MMP26: variants seen among roughly 807,000 people sequenced by gnomAD.
MMP26 encodes the protein matrix metallopeptidase 26, also known as matrix metalloproteinase-26.
Under a neutral mutation model 31.0 loss-of-function variants are expected in MMP26, and 33 were observed. The observed-to-expected ratio is 1.06, with a 90% confidence interval of 0.81 to 1.42. The LOEUF is 1.42. MMP26 is among the 40% of genes most tolerant of loss of function. The probability of loss-of-function intolerance (pLI) is 0.00; values close to 1 mark genes in which losing one functional copy is unlikely to be tolerated. For synonymous variants in MMP26, 122 were observed against 114.9 expected (o/e 1.06, Z -0.40); for missense variants, 347 against 316.1 (o/e 1.10, Z -0.74).
chr11:4,858,974 A>G (rs1014726473), intron 2 of MMP26, among the ~76,000 whole-genome samples: 3 of 152,152 alleles, frequency 2.0e-5, no homozygotes, highest in African/African-American at 7.2e-5. Context: ...AATGGGGAAA[A>G]GATTCCCTAT....
intron 2 of MMP26, among the ~76,000 whole-genome samples, chr11:4,855,081 C>A (rs1337482753): frequency 6.6e-6 from 1 of 152,122 alleles, no homozygotes; most frequent in Non-Finnish European, 1.5e-5. Context: ...TCATGAAAGA[C>A]CAAAGGTAGA....
intron 2 of MMP26, among the ~76,000 whole-genome samples, chr11:4,987,482 G>C (rs1042102109): frequency 2.6e-5 from 4 of 151,470 alleles, no homozygotes; most frequent in Non-Finnish European, 4.4e-5. Flanking sequence ...GCAGTGGCGC[G>C]ATCTCGGCTC....
intron 2 of MMP26, among the ~76,000 whole-genome samples, chr11:4,911,060 G>A (rs953202576): frequency 6.6e-6 from 1 of 152,104 alleles, no homozygotes; most frequent in Admixed American, 6.6e-5. Flanking sequence ...AATAGATATT[G>A]GTTGGATAAA....
At chr11:4,721,755 T>C (rs1392356448) in intron 1 of MMP26, among the ~76,000 whole-genome samples, 1 of 152,220 alleles carries the variant, frequency 6.6e-6, no homozygotes, top group Non-Finnish European at 1.5e-5. Context: ...TTGACCAAAA[T>C]GGACTGCATC....
At chr11:4,876,498 G>C (rs1850380773) in intron 2 of MMP26, 1 of 152,128 alleles carries the variant, frequency 6.6e-6, no homozygotes, top group South Asian at 2.1e-4. Flanking sequence ...GATTCCAGTT[G>C]AAGTCAGTTT....
intron 2 of MMP26, among the ~76,000 whole-genome samples, chr11:4,986,435 C>T (rs1046250830): frequency 6.6e-6 from 1 of 150,720 alleles, no homozygotes; most frequent in African/African-American, 2.4e-5. Context: ...ACAGCCAAGA[C>T]CTCCCAGGCT....
At chr11:4,848,092 G>T in intron 2 of MMP26, 1 of 814,580 alleles carries the variant, frequency 1.2e-6, no homozygotes, top group Non-Finnish European at 1.9e-6. Flanking sequence ...AATATACACA[G>T]GCATACTTCC....
At chr11:4,757,126 A>T (rs1564902346) in intron 1 of MMP26, among the ~76,000 whole-genome samples, 1 of 152,174 alleles carries the variant, frequency 6.6e-6, no homozygotes, top group Admixed American at 6.5e-5. Context: ...GCATGAGGAC[A>T]GTCATACAGA....
chr11:4,758,869 T>C (rs915395208), intron 1 of MMP26, among the ~76,000 whole-genome samples: 1 of 151,986 alleles, frequency 6.6e-6, no homozygotes, highest in African/African-American at 2.4e-5. Context: ...CCCAGCACTT[T>C]GGGAAGACGA....
At chr11:4,785,699 C>A (rs1172140091) in intron 2 of MMP26, among the ~76,000 whole-genome samples, 2 of 152,176 alleles carry the variant, frequency 1.3e-5, no homozygotes, top group Non-Finnish European at 1.5e-5. Flanking sequence ...AAATAGAATG[C>A]AGCTTTTAAC....
At chr11:4,825,161 T>C (rs116326383) in intron 2 of MMP26, among the ~76,000 whole-genome samples, 2,684 of 152,230 alleles carry the variant, frequency 0.018, 73 homozygotes, top group African/African-American at 0.061. Flanking sequence ...CAGACAGTAA[T>C]AAATGAATTA....
At chr11:4,790,168 C>T (rs1472357374) in intron 2 of MMP26, among the ~76,000 whole-genome samples, 2 of 151,898 alleles carry the variant, frequency 1.3e-5, no homozygotes, top group Non-Finnish European at 2.9e-5. Flanking sequence ...AGTGAAACCC[C>T]GTCTCTACTA....
intron 2 of MMP26, chr11:4,923,483 G>T (rs1413882378): frequency 6.2e-7 from 1 of 1,613,900 alleles, no homozygotes; most frequent in Non-Finnish European, 8.5e-7. Flanking sequence ...CATAAGGGGT[G>T]GTACCAGCAG....
intron 1 of MMP26, chr11:4,723,988 C>A: frequency 1.4e-6 from 1 of 723,034 alleles, no homozygotes. Context: ...AGTGGTGATG[C>A]CTCCCATGCC....
intron 2 of MMP26, chr11:4,832,391 T>A (rs993303337): frequency 6.5e-6 from 1 of 153,088 alleles, no homozygotes; most frequent in African/African-American, 2.4e-5. Context: ...GCTGAGAATC[T>A]TCTTGTTCAA....
At chr11:4,869,860 C>CAT (rs1564797441) in intron 2 of MMP26, among the ~76,000 whole-genome samples, 1 of 152,028 alleles carries the variant, frequency 6.6e-6, no homozygotes, top group Admixed American at 6.6e-5. Context: ...AAATGTGGCA[C>CAT]ATATATATAC....
intron 2 of MMP26, among the ~76,000 whole-genome samples, chr11:4,926,527 G>GTAT (rs1851276272): frequency 6.6e-6 from 1 of 152,196 alleles, no homozygotes; most frequent in African/African-American, 2.4e-5. Context: ...AGCAGGCATA[G>GTAT]TGAAGCTGGT....
intron 2 of MMP26, among the ~76,000 whole-genome samples, chr11:4,787,924 C>T (rs1300505159): frequency 6.6e-6 from 1 of 152,132 alleles, no homozygotes; most frequent in Non-Finnish European, 1.5e-5. Flanking sequence ...ACCATAATTT[C>T]AATTTATGAA....
At chr11:4,868,925 C>T (rs1291323523) in intron 2 of MMP26, among the ~76,000 whole-genome samples, 2 of 152,138 alleles carry the variant, frequency 1.3e-5, no homozygotes, top group Admixed American at 1.3e-4. Flanking sequence ...ACATCTACAA[C>T]CATCTGATCT....
Sources: allele counts gnomAD v4.1 joint callset (sites outside exome capture counted in the v4.1 genomes callset), GRCh38; gene constraint gnomAD v4.1.1; transcripts MANE v1.5; gene names NCBI Gene and HGNC (gene_info 2026-07-23, HGNC 2026-07-21).